Variants in GALNT6 observed in about 807,000 individuals in gnomAD.
GALNT6 encodes polypeptide N-acetylgalactosaminyltransferase 6, also known as GalNAc transferase 6.
Under a neutral mutation model 65.9 loss-of-function variants are expected in GALNT6, and 51 were observed. The ratio of observed to expected loss-of-function variants is 0.77; its 90% confidence interval spans 0.62 to 0.98. The LOEUF is 0.98. Among genes scored for constraint, GALNT6 ranks in the 50% least tolerant of loss-of-function variants. The pLI is 0.00. For missense variants in GALNT6, 708 were observed against 803.3 expected, an observed-to-expected ratio of 0.88 and a Z score of 1.43; for synonymous variants, 323 against 315.1, an observed-to-expected ratio of 1.02 and a Z score of -0.26.
rs1422201226 is a variant in GALNT6, at chr12:51,351,284, C to T, written c.*3095G>A. ...ACATTCATCTTTATACCAACATAGT[C>T]ATAACATTAATTTTTTTTTGAATGG... On this transcript the variant is annotated 3_prime_UTR_variant, in exon 12 of 12. Coordinates refer to ENST00000356317, the MANE Select transcript of GALNT6 (RefSeq NM_007210.4). The T allele has an allele frequency of 6.6e-6, 1 of 152,204 alleles. No homozygotes were observed. Among genetic ancestry groups the T allele is most frequent in the African/African-American group, 2.4e-5 (1 of 41,444 alleles). The allele number at this position is 152,204 out of a possible 1,614,324, so 9.4% of individuals were successfully genotyped here.
intron 3 of GALNT6, 140 bp from the exon 4 acceptor site, chr12:51,377,507 A>G: frequency 1.4e-6 from 1 of 703,140 alleles, no homozygotes. Flanking sequence ...AGGTGGGAAC[A>G]GCTGTTCCCT....
chr12:51,352,643 C>T lies in GALNT6; in HGVS notation c.*1736G>A, dbSNP rs1042983573. On this transcript the variant is annotated 3_prime_UTR_variant, in exon 12 of 12. Coordinates refer to ENST00000356317, the MANE Select transcript of GALNT6 (RefSeq NM_007210.4). The stretch of plus-strand genomic sequence containing the variant: ...ACATCCCAGGATTCCTAAGTGTGCT[C>T]TCTCCACAATGGCTACCTGGCCCTG... 2 of 152,160 alleles carry T rather than the reference C, an allele frequency of 1.3e-5. No homozygotes were observed. Among genetic ancestry groups the T allele is most frequent in the African/African-American group, 4.8e-5 (2 of 41,432 alleles). The allele number at this position is 152,160 out of a possible 1,614,324, so 9.4% of individuals were successfully genotyped here.
rs1003422515 is a variant in GALNT6 at position 51,352,210 on chromosome 12, G to A, written c.*2169C>T. 1.3e-5 allele frequency: 2 copies of A among 152,220 alleles called. No homozygotes were observed. Among genetic ancestry groups the A allele is most frequent in the African/African-American group, 2.4e-5 (1 of 41,454 alleles). The allele number at this position is 152,220 out of a possible 1,614,324, so 9.4% of individuals were successfully genotyped here. A position where few individuals can be genotyped will look rare whatever the true frequency, so the allele number is the denominator to read the frequency against. On this transcript the variant is annotated 3_prime_UTR_variant, in exon 12 of 12. Transcript: ENST00000356317. Reference sequence around the variant, plus strand: ...TCCAGCAAAAGAGCCATGTGCAGTCGGGTCTGCTCCCCATGGGGGCTTTGA... The same window carrying A: ...TCCAGCAAAAGAGCCATGTGCAGTCAGGTCTGCTCCCCATGGGGGCTTTGA...
intron 11 of GALNT6, among the ~76,000 whole-genome samples, chr12:51,355,391 T>C (rs1946715250): frequency 6.6e-6 from 1 of 152,124 alleles, no homozygotes; most frequent in African/African-American, 2.4e-5. Context: ...CCTTCTACAT[T>C]GCTCTACTCC....
At chr12:51,362,681 C>T (rs892132089) in intron 6 of GALNT6, among the ~76,000 whole-genome samples, 3 of 152,178 alleles carry the variant, frequency 2.0e-5, no homozygotes, top group Admixed American at 1.3e-4. Context: ...AAACAAAAGG[C>T]AGCTATGAAA....
chr12:51,355,922 T>TG lies in GALNT6; in HGVS notation c.1638dup (p.Asn547GlnfsTer27). The TG allele has an allele frequency of 6.2e-7, 1 of 1,613,666 alleles. No individual in the cohort carries two copies. The highest frequency in any genetic ancestry group is 8.5e-7 in the Non-Finnish European group (1 of 1,179,734). On this transcript the variant is annotated frameshift_variant, in exon 11 of 12. Transcript: ENST00000356317. LOFTEE classifies it high-confidence loss of function. ...TGTAGACACAGCTGCTTTGCGATGTTGTGGCGAAGGTCCCTCTGAGTTGTG... is the reference window on the plus strand; with the variant it reads ...TGTAGACACAGCTGCTTTGCGATGTTGGTGGCGAAGGTCCCTCTGAGTTGTG...
intron 4 of GALNT6, among the ~76,000 whole-genome samples, chr12:51,374,679 T>C (rs554554583): frequency 2.0e-5 from 3 of 152,138 alleles, no homozygotes; most frequent in South Asian, 4.1e-4. Flanking sequence ...AGACACCACA[T>C]GCCTCCTACG....
rs1326814625 is a variant in GALNT6 at position 51,364,130 on chromosome 12, T to C, written c.1040A>G (p.Tyr347Cys). The C allele has an allele frequency of 6.2e-7, 1 of 1,612,566 alleles. No homozygotes were observed. The highest frequency in any genetic ancestry group is 1.7e-5 in the Admixed American group (1 of 60,000). The stretch of plus-strand genomic sequence containing the variant: ...AGGCTGCGGTCCTTACTTGATGGGG[T>C]AGGTTTCATCCTTGCGCCTCTGCTT... ...HEKQRRKDETYPIKSPTFAGG... is the reference protein window; with the variant it reads ...HEKQRRKDETCPIKSPTFAGG... Residue 347 changes from tyrosine to cysteine, a missense_variant, in exon 6 of 12, where the codon TAC (tyrosine) becomes TGC (cysteine). Coordinates refer to ENST00000356317, the MANE Select transcript of GALNT6 (RefSeq NM_007210.4).
intron 4 of GALNT6, among the ~76,000 whole-genome samples, chr12:51,369,319 G>T (rs552506556): frequency 1.3e-5 from 2 of 152,172 alleles, no homozygotes; most frequent in South Asian, 4.1e-4. Flanking sequence ...AAGCCCTTCT[G>T]GGGAGACAAC....
intron 6 of GALNT6, 132 bp downstream of exon 6, chr12:51,363,989 G>A (rs2137594743): frequency 1.4e-6 from 1 of 714,016 alleles, no homozygotes. Flanking sequence ...GCTTCATAGG[G>A]AGTGAGGATT....
intron 2 of GALNT6, 55 bp from the exon 3 acceptor site, chr12:51,379,939 G>T (rs1044575707): frequency 1.3e-6 from 1 of 763,818 alleles, no homozygotes; most frequent in African/African-American, 1.8e-5. Flanking sequence ...TAAGGAGGGA[G>T]TCGGGTGCTT....
In GALNT6 at chr12:51,352,250, TG is replaced by T. The variant is rs1264129429; in HGVS notation, c.*2128del. ...GGGGGCTTTGATGTGGGCCCAGCAG[TG>T]GATCAGCCTTCCAGACACGCTCAAC... On this transcript the variant is annotated 3_prime_UTR_variant, in exon 12 of 12. Coordinates refer to ENST00000356317, the MANE Select transcript of GALNT6 (RefSeq NM_007210.4). 1.3e-5 allele frequency: 2 copies of T among 152,352 alleles called. No homozygotes were observed. The highest frequency in any genetic ancestry group is 2.9e-5 in the Non-Finnish European group (2 of 68,152). The allele number at this position is 152,352 out of a possible 1,614,324, so 9.4% of individuals were successfully genotyped here.
intron 4 of GALNT6, among the ~76,000 whole-genome samples, chr12:51,367,749 C>T (rs1947155279): frequency 1.3e-5 from 2 of 152,222 alleles, no homozygotes; most frequent in South Asian, 4.1e-4. Flanking sequence ...CAAATGCACG[C>T]ACACAATAAC....
At chr12:51,369,618 T>G (rs777020020) in intron 4 of GALNT6, among the ~76,000 whole-genome samples, 1 of 152,242 alleles carries the variant, frequency 6.6e-6, no homozygotes, top group East Asian at 1.9e-4. Context: ...GATTCCTTCC[T>G]GACCTTGCCA....
chr12:51,358,305 T>C, intron 8 of GALNT6, 44 bp from the exon 9 acceptor site: 2 of 1,560,328 alleles, frequency 1.3e-6, no homozygotes, highest in Non-Finnish European at 1.7e-6. Flanking sequence ...CCACCAGTTT[T>C]TTTTTTTTTT....
intron 2 of GALNT6, among the ~76,000 whole-genome samples, chr12:51,385,000 T>G (rs988562924): frequency 1.3e-5 from 2 of 152,230 alleles, no homozygotes; most frequent in Non-Finnish European, 2.9e-5. Flanking sequence ...TTCTTTCTTT[T>G]TTTTTGGAGA....
chr12:51,374,269 A>G (rs1947381775), intron 4 of GALNT6, among the ~76,000 whole-genome samples: 1 of 152,150 alleles, frequency 6.6e-6, no homozygotes, highest in Admixed American at 6.5e-5. Context: ...CCTGGGCTCA[A>G]GTGATCCTCC....
chr12:51,373,460 G>A (rs1332723344), intron 4 of GALNT6, among the ~76,000 whole-genome samples: 1 of 152,138 alleles, frequency 6.6e-6, no homozygotes, highest in African/African-American at 2.4e-5. Flanking sequence ...CATGAGGAAG[G>A]ACATGTTTGC....
chr12:51,379,411 T>C lies in GALNT6; in HGVS notation c.371A>G (p.Lys124Arg), dbSNP rs139304212. ...GADGKAFQKS[K>R]WTPLETQEKE... ...TTCCTGGGTCTCCAGGGGGGTCCAC[T>C]TGCTCTTCTGAAATGCTTTTCCATC... The change falls in exon 3 of 12, where the codon AAG becomes AGG. Residue 124 changes from lysine (K) to arginine (R), a missense_variant. Transcript: ENST00000356317. The C allele has an allele frequency of 1.9e-6, 3 of 1,609,282 alleles. No individual in the cohort carries two copies. Among genetic ancestry groups the C allele is most frequent in the East Asian group, 2.2e-5 (1 of 44,822 alleles).
Sources: allele counts gnomAD v4.1 joint callset (sites outside exome capture counted in the v4.1 genomes callset), GRCh38; gene constraint gnomAD v4.1.1; transcripts MANE v1.5; gene names NCBI Gene and HGNC (gene_info 2026-07-23, HGNC 2026-07-21).